IKBKB: variants seen among roughly 807,000 people sequenced by gnomAD.
IKBKB encodes the protein inhibitor of nuclear factor kappa B kinase subunit beta.
In IKBKB, 42 loss-of-function variants were observed where a neutral mutation model predicts 113.6. That is an observed-to-expected ratio of 0.37 (90% CI 0.29 to 0.48). The LOEUF is 0.48. IKBKB is among the 20% of genes least tolerant of loss of function. IKBKB has a pLI of 0.99. For synonymous variants in IKBKB, 296 were observed against 361.3 expected (o/e 0.82, Z 2.05); for missense variants, 673 against 939.7 (o/e 0.72, Z 3.71).
Position 42,286,819 on chromosome 8 carries a change from G to T in IKBKB, c.106-1815G>T, listed in dbSNP as rs199700288. On this transcript the variant is annotated intron_variant, in intron 2 of 21. Transcript: ENST00000520810. ...ACAGGGCCTCTAGGACATCCTTCAA[G>T]TGAGCCACAGTAGAGTCTGGTACAA... 7.7e-4 allele frequency among the ~76,000 whole-genome samples: 117 copies of T among 152,336 alleles called. 1 individual carries two copies. In the East Asian group the frequency reaches 0.013, roughly 17 times the overall value.
At chr8:42,284,778 C>A (rs771131529) in intron 2 of IKBKB, among the ~76,000 whole-genome samples, 33 of 151,814 alleles carry the variant, frequency 2.2e-4, no homozygotes, top group Admixed American at 2.6e-4. Flanking sequence ...TCACGTCAGC[C>A]TGAGAACAGA....
intron 16 of IKBKB, 141 bp downstream of exon 16, chr8:42,320,985 A>G: frequency 5.7e-6 from 3 of 525,210 alleles, no homozygotes; most frequent in Non-Finnish European, 6.7e-6. Context: ...ACTTCCAGCA[A>G]ATCATCACTG....
chr8:42,288,365 C>T (rs1298247368), intron 2 of IKBKB, among the ~76,000 whole-genome samples: 1 of 146,580 alleles, frequency 6.8e-6, no homozygotes, highest in East Asian at 2.0e-4. Flanking sequence ...TCAGCTTGGG[C>T]GACAGAGCAA....
rs774469307 is a variant in IKBKB at position 42,305,291 on chromosome 8, G to A, written c.477+16G>A. On this transcript the variant is annotated intron_variant, in intron 6 of 21. Coordinates refer to ENST00000520810, the MANE Select transcript of IKBKB (RefSeq NM_001556.3). Reference sequence around the variant, plus strand: ...AGAACAGAGGGTAAGTGACCTCCTGGGACTGGGAAAGCCTCAGGTGGGCGT... The same window carrying A: ...AGAACAGAGGGTAAGTGACCTCCTGAGACTGGGAAAGCCTCAGGTGGGCGT... 6.4e-7 allele frequency: 1 copy of A among 1,568,482 alleles called. No homozygotes were observed. The highest frequency in any genetic ancestry group is 8.8e-7 in the Non-Finnish European group (1 of 1,138,822).
In IKBKB at chr8:42,331,007, G is replaced by A. The variant is rs1449247971; in HGVS notation, c.*28G>A. ...TGGGGGGACTCGACCCCCTGACATGGGGCAGCCCATAGCAGGCCTTGTGCA... is the reference window on the plus strand; with the variant it reads ...TGGGGGGACTCGACCCCCTGACATGAGGCAGCCCATAGCAGGCCTTGTGCA... On this transcript the variant is annotated 3_prime_UTR_variant, in exon 22 of 22. Coordinates refer to ENST00000520810, the MANE Select transcript of IKBKB (RefSeq NM_001556.3). 5.6e-6 allele frequency: 9 copies of A among 1,602,196 alleles called. No individual in the cohort carries two copies. Among genetic ancestry groups the A allele is most frequent in the Non-Finnish European group, 7.7e-6 (9 of 1,171,712 alleles).
chr8:42,290,527 C>T (rs1812398669), intron 4 of IKBKB, among the ~76,000 whole-genome samples: 1 of 152,116 alleles, frequency 6.6e-6, no homozygotes. Flanking sequence ...GGGATTACTC[C>T]AATGACAAGG....
intron 9 of IKBKB, among the ~76,000 whole-genome samples, chr8:42,315,677 T>C (rs1037276801): frequency 1.5e-4 from 14 of 91,630 alleles, no homozygotes; most frequent in African/African-American, 3.8e-4. Context: ...CCTTTCTTTT[T>C]AAGACAGAGT....
chr8:42,324,449 G>A (rs967344728), intron 19 of IKBKB, among the ~76,000 whole-genome samples: 1 of 152,216 alleles, frequency 6.6e-6, no homozygotes, highest in South Asian at 2.1e-4. Context: ...ATTTTTAGTG[G>A]AGATGGGGTT....
chr8:42,276,537 T>C (rs529177374), intron 2 of IKBKB, among the ~76,000 whole-genome samples: 1 of 152,310 alleles, frequency 6.6e-6, no homozygotes, highest in South Asian at 2.1e-4. Context: ...ATTCCATAAG[T>C]TGTCTCCATA....
rs1436011538 is a variant in IKBKB, at chr8:42,272,064, C to T, written c.-18-19C>T. The T allele has an allele frequency of 6.3e-7, 1 of 1,592,760 alleles. No homozygotes were observed. Among genetic ancestry groups the T allele is most frequent in the African/African-American group, 1.4e-5 (1 of 73,744 alleles). ...TTTCTTAATCCTAACCTTTTTTCCC[C>T]ATCCCAAATTGCTTATAGAGTTAGC... On this transcript the variant is annotated intron_variant, in intron 1 of 21. Transcript: ENST00000520810.
chr8:42,327,330 CT>C (rs397767670), intron 20 of IKBKB, among the ~76,000 whole-genome samples: 317 of 105,412 alleles, frequency 3.0e-3, no homozygotes, highest in African/African-American at 9.7e-3. Flanking sequence ...CTCTCTCTCT[CT>C]TTTTTTTTTT....
chr8:42,313,171 C>T (rs145430941), intron 8 of IKBKB, among the ~76,000 whole-genome samples: 363 of 152,280 alleles, frequency 2.4e-3, no homozygotes, highest in African/African-American at 8.2e-3. Flanking sequence ...TTTTTACTGG[C>T]CGGGCACTGT....
Position 42,307,654 on chromosome 8 carries a change from T to A in IKBKB, c.567+1222T>A, listed in dbSNP as rs1816805102. Among the ~76,000 whole-genome samples, 3 of 152,160 alleles carry A rather than the reference T, an allele frequency of 2.0e-5. No individual in the cohort carries two copies. The South Asian group carries it at 6.2e-4, about 31-fold the overall frequency. On this transcript the variant is annotated intron_variant, in intron 7 of 21. Coordinates refer to ENST00000520810, the MANE Select transcript of IKBKB (RefSeq NM_001556.3). ...TCAGAGTGGGTCTCACAGAGGGCTGTGATTCAGGCGCCTGTGTCCATATGG... is the reference window on the plus strand; with the variant it reads ...TCAGAGTGGGTCTCACAGAGGGCTGAGATTCAGGCGCCTGTGTCCATATGG...
chr8:42,277,292 C>G (rs995314093), intron 2 of IKBKB, among the ~76,000 whole-genome samples: 5 of 151,150 alleles, frequency 3.3e-5, no homozygotes, highest in African/African-American at 1.2e-4. Flanking sequence ...AAGCGATTCT[C>G]CTGTCTCAGC....
rs567150629 is a variant in IKBKB at position 42,276,855 on chromosome 8, G to A, written c.105+4650G>A. ...GATTACAGGCAGCGCCATCACACCC[G>A]GCTAATTTTTTTTTTTTTTTTTTTT... is the stretch of plus-strand genomic sequence containing the variant. On this transcript the variant is annotated intron_variant, in intron 2 of 21. Transcript: ENST00000520810. 2.3e-3 allele frequency among the ~76,000 whole-genome samples: 338 copies of A among 148,038 alleles called. 1 individual carries two copies. Among genetic ancestry groups the A allele is most frequent in the Middle Eastern group, 7.1e-3 (2 of 282 alleles).
At chr8:42,311,704 G>A (rs1288706374) in intron 8 of IKBKB, among the ~76,000 whole-genome samples, 1 of 152,132 alleles carries the variant, frequency 6.6e-6, no homozygotes, top group Non-Finnish European at 1.5e-5. Context: ...TCTGCCCTGA[G>A]TTTTGAGAAG....
Position 42,271,386 on chromosome 8 carries a change from T to A in IKBKB, c.-102T>A, listed in dbSNP as rs575854216. ...CCGCATTTTAATGTTTTCAGGGGGG[T>A]GTCATAGCCCCGGGTTTGGCCGCCC... is the stretch of plus-strand genomic sequence containing the variant. On this transcript the variant is annotated 5_prime_UTR_variant, in exon 1 of 22. Transcript: ENST00000520810. 5.5e-5 allele frequency: 83 copies of A among 1,509,734 alleles called. No individual in the cohort carries two copies. The African/African-American group carries it at 1.1e-3, about 20-fold the overall frequency. 93.5% of individuals were successfully genotyped at this position (1,509,734 alleles called of 1,614,324 possible).
chr8:42,316,887 T>C lies in IKBKB; in HGVS notation c.1108T>C (p.Cys370Arg), dbSNP rs1468606269. ...GATCCCCGATAAGCCTGCCACTCAG[T>C]GTATTTCAGACGGCAAGGTGAGCCC... ...ALIPDKPATQ[C>R]ISDGKLNEGH... The change falls in exon 11 of 22, where the codon TGT (cysteine) becomes CGT (arginine). Residue 370 changes from cysteine to arginine, a missense_variant. Around this residue, in one of 2 missense-constraint regions of IKBKB, gnomAD observed 506 missense variants for 638.7 expected, o/e 0.79. Transcript: ENST00000520810. This position sits in a 1 kb window ranked among gnomAD's most constrained non-coding sequence, Gnocchi z 4.5. 3 of 1,614,078 alleles carry C rather than the reference T, an allele frequency of 1.9e-6. No individual in the cohort carries two copies. The highest frequency in any genetic ancestry group is 3.3e-5 in the Admixed American group (2 of 60,024).
intron 21 of IKBKB, 67 bp from the exon 22 acceptor site, chr8:42,330,847 G>A: frequency 6.2e-7 from 1 of 1,612,766 alleles, no homozygotes; most frequent in Non-Finnish European, 8.5e-7. Flanking sequence ...ATTTCCTCCT[G>A]AAGAGGAAAA....
Sources: allele counts gnomAD v4.1 joint callset (sites outside exome capture counted in the v4.1 genomes callset), GRCh38; gene constraint gnomAD v4.1.1; regional missense constraint gnomAD v4.1.1; non-coding constraint Gnocchi (gnomAD v3.1); transcripts MANE v1.5; gene names NCBI Gene and HGNC (gene_info 2026-07-23, HGNC 2026-07-21).